MTMR2: variants seen among roughly 807,000 people sequenced by gnomAD.
The protein encoded by MTMR2 is phosphatidylinositol-3,5-bisphosphate 3-phosphatase MTMR2.
Under a neutral mutation model 86.9 loss-of-function variants are expected in MTMR2, and 55 were observed. The observed-to-expected ratio is 0.63, with a 90% CI of 0.51 to 0.79. The LOEUF is 0.79. Ranked by LOEUF, MTMR2 falls within the 30% of genes least tolerant of loss-of-function variation. The pLI, the probability that MTMR2 is intolerant of heterozygous loss-of-function variation, is 0.00. For synonymous variants in MTMR2, 241 were observed against 266.8 expected (o/e 0.90, Z 0.94); for missense variants, 659 against 772.3 (o/e 0.85, Z 1.74).
intron 1 of MTMR2, chr11:95,923,585 A>C: frequency 9.6e-7 from 1 of 1,044,372 alleles, no homozygotes; most frequent in Non-Finnish European, 1.3e-6. Flanking sequence ...TTTGAGAGGG[A>C]ATGAAAGACA....
At chr11:95,840,962 A>C (rs1336153888) in intron 12 of MTMR2, among the ~76,000 whole-genome samples, 1 of 152,146 alleles carries the variant, frequency 6.6e-6, no homozygotes, top group Admixed American at 6.5e-5. Context: ...GTCAGAATTA[A>C]ATCATATTTT....
intron 1 of MTMR2, among the ~76,000 whole-genome samples, chr11:95,910,246 A>G (rs756458413): frequency 3.9e-5 from 6 of 152,088 alleles, no homozygotes; most frequent in Non-Finnish European, 7.4e-5. Context: ...AACCGTTAGA[A>G]AAGTATTGAC....
At chr11:95,836,530 A>G (rs1863294419) in intron 13 of MTMR2, among the ~76,000 whole-genome samples, 2 of 152,036 alleles carry the variant, frequency 1.3e-5, no homozygotes, top group African/African-American at 4.8e-5. Flanking sequence ...ATATGACCCA[A>G]CAATTCCACT....
rs776661875 is a variant in MTMR2, at chr11:95,882,889, A to ATTTTTTTTTTT, written c.186+5256_186+5266dup. On this transcript the variant is annotated intron_variant, in intron 2 of 14. Coordinates refer to ENST00000346299, the MANE Select transcript of MTMR2 (RefSeq NM_016156.6). Reference sequence around the variant, plus strand: ...AGGCGCCCGCCACCACATCCAGCTAATTTTTTTTTTTTTTTTTTTTTTTTT... The same window carrying ATTTTTTTTTTT: ...AGGCGCCCGCCACCACATCCAGCTAATTTTTTTTTTTTTTTTTTTTTTTTTTTTTTTTTTTT... Among the ~76,000 whole-genome samples, 52 of 76,084 alleles carry ATTTTTTTTTTT rather than the reference A, an allele frequency of 6.8e-4. 2 individuals carry two copies. Among genetic ancestry groups the ATTTTTTTTTTT allele is most frequent in the East Asian group, 1.5e-3 (4 of 2,624 alleles). 49.9% of individuals were successfully genotyped at this position (76,084 alleles called of 152,430 possible).
At chr11:95,903,202 C>T (rs1866138607) in intron 1 of MTMR2, among the ~76,000 whole-genome samples, 2 of 152,170 alleles carry the variant, frequency 1.3e-5, no homozygotes, top group African/African-American at 4.8e-5. Flanking sequence ...TTCAAACACT[C>T]TACTGTCTGA....
chr11:95,862,375 G>A lies in MTMR2; in HGVS notation c.263-9C>T, dbSNP rs200746130. 22 of 1,581,970 alleles carry A rather than the reference G, an allele frequency of 1.4e-5. No individual in the cohort carries two copies. The South Asian group carries it at 2.2e-4, about 16-fold the overall frequency. ...ATAAGTTACATCTTTGGCTGAAAAA[G>A]CAAGAAGTCCACAGTTTACTATACA... On this transcript the variant is annotated splice_polypyrimidine_tract_variant and intron_variant, in intron 3 of 14. Transcript: ENST00000346299.
At chr11:95,893,919 A>G (rs1434130471) in intron 1 of MTMR2, among the ~76,000 whole-genome samples, 1 of 152,200 alleles carries the variant, frequency 6.6e-6, no homozygotes, top group Non-Finnish European at 1.5e-5. Context: ...TGATCTTTCC[A>G]AAACCTAAAT....
At chr11:95,872,101 C>T (rs1004881599) in intron 2 of MTMR2, among the ~76,000 whole-genome samples, 8 of 152,108 alleles carry the variant, frequency 5.3e-5, no homozygotes, top group South Asian at 2.1e-4. Flanking sequence ...CTTGGCAAGG[C>T]GGGCTCTTTT....
At chr11:95,836,980 C>A (rs1178956516) in intron 13 of MTMR2, among the ~76,000 whole-genome samples, 2 of 151,962 alleles carry the variant, frequency 1.3e-5, no homozygotes, top group Non-Finnish European at 2.9e-5. Flanking sequence ...AAGTGAATTT[C>A]ATGGTATGCA....
intron 3 of MTMR2, among the ~76,000 whole-genome samples, chr11:95,864,000 T>C (rs953876927): frequency 6.6e-6 from 1 of 152,158 alleles, no homozygotes; most frequent in Non-Finnish European, 1.5e-5. Context: ...GATTTCTGAC[T>C]TGAGTAAATG....
Position 95,835,243 on chromosome 11 carries a change from G to C in MTMR2, c.*47C>G, listed in dbSNP as rs1436773614. 1 of 1,591,474 alleles carries C rather than the reference G, an allele frequency of 6.3e-7. No homozygotes were observed. The highest frequency in any genetic ancestry group is 8.6e-7 in the Non-Finnish European group (1 of 1,160,544). Reference sequence around the variant, plus strand: ...AGACTTTCTACTCATAGAGCTGCCAGTGTAATCAAGAGTGTATAGCAATGA... The same window carrying C: ...AGACTTTCTACTCATAGAGCTGCCACTGTAATCAAGAGTGTATAGCAATGA... On this transcript the variant is annotated 3_prime_UTR_variant, in exon 15 of 15. Transcript: ENST00000346299.
At chr11:95,923,791 C>T in intron 1 of MTMR2, 84 bp downstream of exon 1, 1 of 1,508,240 alleles carries the variant, frequency 6.6e-7, no homozygotes. Context: ...CCAGAATCCG[C>T]GAATTGGGGC....
At chr11:95,918,322 T>A (rs1470767457) in intron 1 of MTMR2, among the ~76,000 whole-genome samples, 1 of 152,178 alleles carries the variant, frequency 6.6e-6, no homozygotes, top group East Asian at 1.9e-4. Context: ...GCCCAAGAAT[T>A]TGCATTTTTA....
chr11:95,851,327 G>A (rs1490477542), intron 7 of MTMR2, among the ~76,000 whole-genome samples: 2 of 151,674 alleles, frequency 1.3e-5, no homozygotes, highest in African/African-American at 4.9e-5. Flanking sequence ...ATAGGCATGA[G>A]CCACCACACC....
At chr11:95,907,880 A>G (rs1866344913) in intron 1 of MTMR2, 1 of 445,764 alleles carries the variant, frequency 2.2e-6, no homozygotes, top group African/African-American at 2.0e-5. Context: ...AGTGAGAGCT[A>G]CAGCCAACAT....
intron 1 of MTMR2, among the ~76,000 whole-genome samples, chr11:95,909,263 C>T (rs1866409030): frequency 6.6e-6 from 1 of 152,030 alleles, no homozygotes; most frequent in Non-Finnish European, 1.5e-5. Context: ...AAAATAGAAT[C>T]AATAAATAAG....
chr11:95,900,852 C>T (rs567226693), intron 1 of MTMR2, among the ~76,000 whole-genome samples: 5 of 152,322 alleles, frequency 3.3e-5, no homozygotes, highest in African/African-American at 1.2e-4. Flanking sequence ...CTACCTTCAA[C>T]TACTCTACTG....
intron 1 of MTMR2, among the ~76,000 whole-genome samples, chr11:95,908,523 G>C (rs755332654): frequency 6.6e-6 from 1 of 151,966 alleles, no homozygotes; most frequent in Non-Finnish European, 1.5e-5. Context: ...AAAGAAGCCC[G>C]AATAGCCACA....
intron 2 of MTMR2, among the ~76,000 whole-genome samples, chr11:95,874,004 T>A (rs899453923): frequency 1.3e-5 from 2 of 152,340 alleles, no homozygotes; most frequent in Non-Finnish European, 2.9e-5. Context: ...TGAGGAGTGC[T>A]TTACTTCCAA....
Sources: allele counts gnomAD v4.1 joint callset (sites outside exome capture counted in the v4.1 genomes callset), GRCh38; gene constraint gnomAD v4.1.1; transcripts MANE v1.5; gene names NCBI Gene and HGNC (gene_info 2026-07-23, HGNC 2026-07-21).